CSMD1: variants seen among roughly 807,000 people sequenced by gnomAD.
CSMD1 encodes the protein CUB and sushi domain-containing protein 1.
A neutral mutation model predicts 417.5 loss-of-function variants in CSMD1; 213 were observed. The ratio of observed to expected loss-of-function variants is 0.51; its 90% CI spans 0.46 to 0.57. The LOEUF is 0.57. Ranked by LOEUF, CSMD1 falls within the 20% of genes least tolerant of loss-of-function variation. CSMD1 has a pLI of 0.00. For missense variants in CSMD1, 6,923 were observed against 4,529.7 expected (o/e 1.53, Z -15.17); for synonymous variants, 2,862 against 1,736.8 (o/e 1.65, Z -16.11).
chr8:3,054,640 CGT>C (rs375303545), intron 49 of CSMD1, among the ~76,000 whole-genome samples: 23 of 151,564 alleles, frequency 1.5e-4, no homozygotes, highest in African/African-American at 3.6e-4. Flanking sequence ...AAAACACATG[CGT>C]GTGTGTGTGT....
At chr8:4,446,205 T>G (rs530415394) in intron 2 of CSMD1, among the ~76,000 whole-genome samples, 1 of 152,236 alleles carries the variant, frequency 6.6e-6, no homozygotes, top group Non-Finnish European at 1.5e-5. Context: ...ATTTTGTTTT[T>G]TCCACAATCA....
At chr8:4,551,254 T>C (rs1048681861) in intron 2 of CSMD1, among the ~76,000 whole-genome samples, 2 of 120,360 alleles carry the variant, frequency 1.7e-5, no homozygotes, top group Non-Finnish European at 2.0e-5. Context: ...AGGCAGGCTA[T>C]CTTTTTATAG....
At chr8:4,420,214 TG>T in intron 2 of CSMD1, 149 bp from the exon 3 acceptor site, 1 of 506,898 alleles carries the variant, frequency 2.0e-6, no homozygotes, top group Non-Finnish European at 3.6e-6. Context: ...CACATAGCTT[TG>T]GTTGTTAAGT....
chr8:3,469,722 A>G (rs1816977678), intron 11 of CSMD1, among the ~76,000 whole-genome samples: 1 of 152,218 alleles, frequency 6.6e-6, no homozygotes, highest in Non-Finnish European at 1.5e-5. Flanking sequence ...TCATCTGTCT[A>G]TCAACCCTAC....
In CSMD1 at chr8:3,230,888, ATC is replaced by A. The variant is rs555957648; in HGVS notation, c.4154-659_4154-658del. Among the ~76,000 whole-genome samples, 800 of 152,284 alleles carry A rather than the reference ATC, an allele frequency of 5.3e-3. 4 individuals carry two copies. Among genetic ancestry groups the A allele is most frequent in the Middle Eastern group, 0.017 (5 of 294 alleles). The stretch of plus-strand genomic sequence containing the variant: ...CTGCCTTTCTGCATATATATAAAGA[ATC>A]TCAAATCTGCTGAGTAGAGGCCAGA... On this transcript the variant is annotated intron_variant, in intron 26 of 69. Coordinates refer to ENST00000635120, the MANE Select transcript of CSMD1 (RefSeq NM_033225.6).
chr8:4,521,433 A>G, intron 2 of CSMD1, among the ~76,000 whole-genome samples: 1 of 152,174 alleles, frequency 6.6e-6, no homozygotes, highest in East Asian at 1.9e-4. Context: ...TTTTTAAAGA[A>G]TCATATACCT....
chr8:3,822,391 G>C (rs896905190), intron 5 of CSMD1, among the ~76,000 whole-genome samples: 3 of 152,094 alleles, frequency 2.0e-5, no homozygotes, highest in South Asian at 2.1e-4. Context: ...CAGTAAAAAA[G>C]AGTCTGAAAC....
intron 1 of CSMD1, among the ~76,000 whole-genome samples, chr8:4,908,069 G>A (rs1416445597): frequency 6.6e-6 from 1 of 152,064 alleles, no homozygotes; most frequent in African/African-American, 2.4e-5. Flanking sequence ...AATTTAAGGT[G>A]GTTTTCTTTC....
intron 68 of CSMD1, among the ~76,000 whole-genome samples, chr8:2,944,917 T>C (rs1441707045): frequency 1.3e-5 from 2 of 152,142 alleles, no homozygotes; most frequent in African/African-American, 4.8e-5. Context: ...AATAATAAAA[T>C]GCTGGAAAAT....
At chr8:4,329,082 A>C (rs199767342) in intron 3 of CSMD1, among the ~76,000 whole-genome samples, 34 of 152,352 alleles carry the variant, frequency 2.2e-4, no homozygotes, top group East Asian at 7.7e-4. Context: ...ATTGCACAAC[A>C]AATAAATCCA....
chr8:3,526,881 G>A (rs1797775631), intron 10 of CSMD1, among the ~76,000 whole-genome samples: 1 of 152,136 alleles, frequency 6.6e-6, no homozygotes, highest in African/African-American at 2.4e-5. Context: ...GAGGTAAAGT[G>A]CTAGTAATTC....
chr8:2,982,978 G>A (rs1053031952), intron 54 of CSMD1, among the ~76,000 whole-genome samples: 1 of 152,038 alleles, frequency 6.6e-6, no homozygotes, highest in Non-Finnish European at 1.5e-5. Flanking sequence ...ACAGATGCTG[G>A]GCTCTTCGGG....
intron 1 of CSMD1, among the ~76,000 whole-genome samples, chr8:4,823,262 T>C (rs1180136096): frequency 6.6e-6 from 1 of 152,060 alleles, no homozygotes; most frequent in African/African-American, 2.4e-5. Flanking sequence ...TGTTTTCCAA[T>C]GTTGAAACTC....
intron 3 of CSMD1, among the ~76,000 whole-genome samples, chr8:4,229,075 C>G (rs1474656157): frequency 1.3e-5 from 2 of 152,200 alleles, no homozygotes; most frequent in African/African-American, 4.8e-5. Context: ...TTTCCCAAAC[C>G]TGATTCCTGA....
chr8:4,857,409 C>A (rs1356565746), intron 1 of CSMD1, among the ~76,000 whole-genome samples: 1 of 151,966 alleles, frequency 6.6e-6, no homozygotes, highest in Non-Finnish European at 1.5e-5. Context: ...CAAGAAATAA[C>A]TAAAATCAGA....
chr8:4,424,001 T>G (rs1038740958), intron 2 of CSMD1, among the ~76,000 whole-genome samples: 3 of 152,032 alleles, frequency 2.0e-5, no homozygotes, highest in Non-Finnish European at 2.9e-5. Context: ...CAATTGGATG[T>G]CCATAGCAAA....
chr8:4,631,256 G>T (rs1445346959), intron 2 of CSMD1, among the ~76,000 whole-genome samples: 1 of 152,130 alleles, frequency 6.6e-6, no homozygotes, highest in African/African-American at 2.4e-5. Context: ...CAGCTACTTG[G>T]GAGGCTGAGG....
chr8:3,682,507 A>G (rs1340787729), intron 7 of CSMD1, among the ~76,000 whole-genome samples: 12 of 152,208 alleles, frequency 7.9e-5, no homozygotes, highest in Non-Finnish European at 1.6e-4. Flanking sequence ...ATCTCACAAC[A>G]GTTGGAATGG....
intron 6 of CSMD1, among the ~76,000 whole-genome samples, chr8:3,722,396 T>C (rs961089396): frequency 6.6e-5 from 10 of 152,186 alleles, no homozygotes; most frequent in Admixed American, 2.0e-4. Context: ...GAAAGCACAG[T>C]AGCTAAGAAA....
Sources: allele counts gnomAD v4.1 joint callset (sites outside exome capture counted in the v4.1 genomes callset), GRCh38; gene constraint gnomAD v4.1.1; transcripts MANE v1.5; gene names NCBI Gene and HGNC (gene_info 2026-07-23, HGNC 2026-07-21).